The following SHISAL1 variants were observed in gnomAD, a reference collection of about 807,000 sequenced individuals.
SHISAL1 encodes the protein shisa like 1, also known as protein shisa-like-1.
In SHISAL1, 9 loss-of-function variants were observed where a neutral mutation model predicts 22.6. The observed-to-expected ratio is 0.40, with a 90% CI of 0.24 to 0.70. The LOEUF (loss-of-function observed/expected upper bound fraction) is 0.70. Ranked by LOEUF, SHISAL1 falls within the 30% of genes least tolerant of loss-of-function variation. The probability of loss-of-function intolerance (pLI) is 0.39; values close to 1 mark genes in which losing one functional copy is unlikely to be tolerated. For missense variants in SHISAL1, 246 were observed against 270.6 expected (o/e 0.91, Z 0.64); for synonymous variants, 119 against 115.4 (o/e 1.03, Z -0.20).
chr22:44,288,128 C>T (rs2055328917), intron 3 of SHISAL1, among the ~76,000 whole-genome samples: 1 of 152,212 alleles, frequency 6.6e-6, no homozygotes. Context: ...TTAATGCTCA[C>T]GCAACCACGG....
At chr22:44,293,912 A>G (rs912434884) in intron 3 of SHISAL1, among the ~76,000 whole-genome samples, 2 of 152,376 alleles carry the variant, frequency 1.3e-5, no homozygotes, top group African/African-American at 4.8e-5. Context: ...AGCAGCCGCC[A>G]GGACCCCCTG....
In SHISAL1 at chr22:44,244,246, G is replaced by C. The variant is rs560444703; in HGVS notation, c.*5439C>G. The C allele has an allele frequency of 1.3e-5, 2 of 152,208 alleles. No individual in the cohort carries two copies. Among genetic ancestry groups the C allele is most frequent in the African/African-American group, 4.8e-5 (2 of 41,414 alleles). 9.4% of individuals were successfully genotyped at this position (152,208 alleles called of 1,614,324 possible). On this transcript the variant is annotated 3_prime_UTR_variant, in exon 5 of 5. Coordinates refer to ENST00000381176, the MANE Select transcript of SHISAL1 (RefSeq NM_001099294.2). The stretch of plus-strand genomic sequence containing the variant: ...TTTAGATCCTGTGCTCAGGGTTGGC[G>C]CTGACCAATGTGGGATCCTGCACAT...
chr22:44,286,727 C>T (rs1028952043), intron 3 of SHISAL1, among the ~76,000 whole-genome samples: 1 of 152,220 alleles, frequency 6.6e-6, no homozygotes, highest in African/African-American at 2.4e-5. Flanking sequence ...CTCCCACACC[C>T]TTCCCCAGGG....
intron 4 of SHISAL1, among the ~76,000 whole-genome samples, chr22:44,264,318 C>T (rs2055146678): frequency 6.6e-6 from 1 of 152,166 alleles, no homozygotes; most frequent in Non-Finnish European, 1.5e-5. Flanking sequence ...AAGAGAGACC[C>T]GAGGCCTGCT....
intron 1 of SHISAL1, among the ~76,000 whole-genome samples, chr22:44,304,253 C>T (rs1352399464): frequency 9.8e-5 from 14 of 142,906 alleles, no homozygotes; most frequent in Admixed American, 2.9e-4. Flanking sequence ...GAAAGCCACT[C>T]GGGCCACCCA....
In SHISAL1 at chr22:44,285,718, C is replaced by T. The variant is rs973571029; in HGVS notation, c.309G>A (p.Trp103Ter). Residue 103 changes from tryptophan (W) to a stop codon, truncating the protein, a stop_gained, in exon 4 of 5, where the codon TGG (tryptophan) becomes TGA (stop). Transcript: ENST00000381176. LOFTEE classifies it high-confidence loss of function. ...GCATCAACACGAAAAATCCATAGAT[C>T]CACACTCCCAACAAGGCGGTGTAAT... The part of the protein sequence containing the change: ...HNNYTALLGV[W>*]IYGFFVLMLL... The T allele has an allele frequency of 6.2e-7, 1 of 1,613,698 alleles. No individual in the cohort carries two copies. Among genetic ancestry groups the T allele is most frequent in the Non-Finnish European group, 8.5e-7 (1 of 1,179,630 alleles).
Position 44,263,079 on chromosome 22 carries a change from C to CTTT in SHISAL1, c.*-13397_*-13395dup, listed in dbSNP as rs922017518. Among the ~76,000 whole-genome samples, 49 of 88,260 alleles carry CTTT rather than the reference C, an allele frequency of 5.6e-4. 1 individual carries two copies. The highest frequency in any genetic ancestry group is 8.2e-4 in the Non-Finnish European group (38 of 46,228). 57.9% of individuals were successfully genotyped at this position (88,260 alleles called of 152,430 possible). A position where few individuals can be genotyped will look rare whatever the true frequency, so the allele number is the denominator to read the frequency against. On this transcript the variant is annotated intron_variant, in intron 4 of 4. Coordinates refer to ENST00000381176, the MANE Select transcript of SHISAL1 (RefSeq NM_001099294.2). ...CCTTCACGTATTTTTTTCTTTCTTT[C>CTTT]TTTTTTTTTTTTTTTTTTTTGGAGA... is the stretch of plus-strand genomic sequence containing the variant.
the SHISAL1 span, among the ~76,000 whole-genome samples, chr22:44,324,415 C>A: frequency 1.3e-5 from 2 of 152,146 alleles, no homozygotes; most frequent in African/African-American, 4.8e-5. Context: ...GTGGTCCCTA[C>A]TCTAGGGGTC....
the SHISAL1 span, among the ~76,000 whole-genome samples, chr22:44,321,522 T>C: frequency 3.9e-5 from 6 of 152,112 alleles, no homozygotes; most frequent in African/African-American, 1.4e-4. Flanking sequence ...CCCACACCTG[T>C]GCATTATCTT....
Position 44,285,520 on chromosome 22 carries a change from T to A in SHISAL1, c.507A>T (p.Pro169=). 1 of 1,613,520 alleles carries A rather than the reference T, an allele frequency of 6.2e-7. No homozygotes were observed. Among genetic ancestry groups the A allele is most frequent in the Non-Finnish European group, 8.5e-7 (1 of 1,179,644 alleles). Residue 169 remains proline, a synonymous_variant, in exon 4 of 5, where the codon CCA becomes CCT. Transcript: ENST00000381176. ...CCTGTGGGGCTTGTGGCAGCGGGCC[T>A]GGGGGAGGCTGCGGCTGTGGGGCCC... The part of the protein sequence containing the change: ...GQRAPQPQPP[P]GPLPQAPQAV...
rs147336724 is a variant in SHISAL1, at chr22:44,271,894, C to G, written c.599+13534G>C. 4.7e-4 allele frequency among the ~76,000 whole-genome samples: 72 copies of G among 152,350 alleles called. No homozygotes were observed. In the East Asian group the frequency reaches 0.012, roughly 26 times the overall value. ...ATCCTCTGAGCTGGAGGCGTATTCA[C>G]GAGCCCCCAGATTCGCCTGGGCCTT... On this transcript the variant is annotated intron_variant, in intron 4 of 4. Coordinates refer to ENST00000381176, the MANE Select transcript of SHISAL1 (RefSeq NM_001099294.2).
At chr22:44,253,970 C>T (rs2055067674) in intron 4 of SHISAL1, among the ~76,000 whole-genome samples, 1 of 152,174 alleles carries the variant, frequency 6.6e-6, no homozygotes, top group African/African-American at 2.4e-5. Context: ...ACAACATTCT[C>T]TAATCACAAT....
chr22:44,304,526 G>T (rs1243731299), intron 1 of SHISAL1, among the ~76,000 whole-genome samples: 1 of 152,184 alleles, frequency 6.6e-6, no homozygotes, highest in Non-Finnish European at 1.5e-5. Context: ...CCTCTGGGGA[G>T]GGGCTGCCCC....
chr22:44,268,305 TAAAG>T (rs1370519378), intron 4 of SHISAL1, among the ~76,000 whole-genome samples: 7 of 151,998 alleles, frequency 4.6e-5, no homozygotes, highest in Non-Finnish European at 8.8e-5. Flanking sequence ...TCTACGAAAA[TAAAG>T]ACTCTTTCTC....
the SHISAL1 span, among the ~76,000 whole-genome samples, chr22:44,321,710 A>T: frequency 6.6e-6 from 1 of 152,302 alleles, no homozygotes; most frequent in East Asian, 1.9e-4. Flanking sequence ...AGGAAGCAGC[A>T]GGCAGCAGAA....
chr22:44,325,917 A>G, the SHISAL1 span, among the ~76,000 whole-genome samples: 5 of 151,656 alleles, frequency 3.3e-5, no homozygotes, highest in African/African-American at 1.2e-4. Context: ...CCAAGCCGAA[A>G]TTTACTTCTA....
intron 4 of SHISAL1, among the ~76,000 whole-genome samples, chr22:44,282,013 G>A (rs759790191): frequency 6.6e-6 from 1 of 152,234 alleles, no homozygotes; most frequent in Non-Finnish European, 1.5e-5. Context: ...TTGATGGAGT[G>A]CGTGTCTGTG....
the SHISAL1 span, among the ~76,000 whole-genome samples, chr22:44,319,599 C>A: frequency 2.0e-4 from 31 of 152,342 alleles, no homozygotes; most frequent in African/African-American, 7.2e-4. Flanking sequence ...CGGCAGACCC[C>A]GCCCCTGGGT....
At chr22:44,293,816 A>C (rs981229898) in intron 3 of SHISAL1, among the ~76,000 whole-genome samples, 2 of 152,136 alleles carry the variant, frequency 1.3e-5, no homozygotes, top group African/African-American at 4.8e-5. Context: ...AGGGCTAACG[A>C]TTAAAAATGT....
Sources: allele counts gnomAD v4.1 joint callset (sites outside exome capture counted in the v4.1 genomes callset), GRCh38; gene constraint gnomAD v4.1.1; transcripts MANE v1.5; gene names NCBI Gene and HGNC (gene_info 2026-07-23, HGNC 2026-07-21).